The following GRIP1 variants were observed in gnomAD, a reference collection of about 807,000 sequenced individuals.
GRIP1 encodes the protein glutamate receptor-interacting protein 1.
GRIP1 carries 45 observed loss-of-function variants against 129.9 expected under a neutral mutation model. That is an observed-to-expected ratio of 0.35 (90% CI 0.27 to 0.44). GRIP1 has a LOEUF of 0.44. GRIP1 is among the 20% of genes least tolerant of loss of function. The probability of loss-of-function intolerance (pLI) is 1.00; values close to 1 mark genes in which losing one functional copy is unlikely to be tolerated. For synonymous variants in GRIP1, 530 were observed against 520.8 expected (o/e 1.02, Z -0.24); for missense variants, 1,196 against 1,396.8 (o/e 0.86, Z 2.29).
chr12:66,737,712 A>G (rs73327079), intron 1 of GRIP1, among the ~76,000 whole-genome samples: 7,853 of 151,800 alleles, frequency 0.052, 528 homozygotes, highest in African/African-American at 0.15. Flanking sequence ...TGTATCTTGC[A>G]CTCATTTTTT....
intron 1 of GRIP1, among the ~76,000 whole-genome samples, chr12:66,703,606 G>A (rs2035427840): frequency 1.3e-5 from 2 of 152,070 alleles, no homozygotes; most frequent in Admixed American, 1.3e-4. Context: ...ACACTGATGG[G>A]TGTCAGGAGA....
At chr12:66,853,512 A>C (rs2039951001) in intron 1 of GRIP1, among the ~76,000 whole-genome samples, 1 of 152,064 alleles carries the variant, frequency 6.6e-6, no homozygotes, top group Non-Finnish European at 1.5e-5. Context: ...CTCTGCTCTT[A>C]AGTAATAATT....
At position 66,827,387 on chromosome 12, in the gene GRIP1, T is replaced by TGTGTGTGA. The variant is rs755458052; in HGVS notation, c.59-230461_59-230460insTCACACAC. 4.5e-3 allele frequency among the ~76,000 whole-genome samples: 483 copies of TGTGTGTGA among 108,278 alleles called. 2 individuals are homozygous for TGTGTGTGA. The highest frequency in any genetic ancestry group is 0.014 in the African/African-American group (402 of 27,878). The allele number at this position is 108,278 out of a possible 152,430, so 71.0% of individuals were successfully genotyped here. Reference sequence around the variant, plus strand: ...AGGTGTGTGTGTGTGTGTGTGTGTGTGAGAGAGAGAGAGAGAGAGAGAGAG... The same window carrying TGTGTGTGA: ...AGGTGTGTGTGTGTGTGTGTGTGTGTGTGTGTGAGAGAGAGAGAGAGAGAGAGAGAGAG... On this transcript the variant is annotated intron_variant, in intron 1 of 1. Coordinates refer to the GRIP1 transcript ENST00000643019.
intron 1 of GRIP1, among the ~76,000 whole-genome samples, chr12:67,006,271 A>T (rs778921234): frequency 2.6e-5 from 4 of 152,186 alleles, no homozygotes; most frequent in Middle Eastern, 3.2e-3. Context: ...CCAACATTAA[A>T]CAAAAAAGCC....
chr12:67,032,727 G>A (rs1363296688), intron 1 of GRIP1, among the ~76,000 whole-genome samples: 1 of 152,172 alleles, frequency 6.6e-6, no homozygotes, highest in Non-Finnish European at 1.5e-5. Context: ...GGTGCAAGAT[G>A]TTGGGGAGTT....
chr12:66,614,383 A>ATCC (rs1399661019), intron 1 of GRIP1, among the ~76,000 whole-genome samples: 2 of 152,120 alleles, frequency 1.3e-5, no homozygotes, highest in Admixed American at 1.3e-4. Context: ...ACACCATAGC[A>ATCC]TCCTCATCTC....
chr12:66,673,172 T>G (rs547673451), intron 1 of GRIP1, among the ~76,000 whole-genome samples: 2 of 152,318 alleles, frequency 1.3e-5, no homozygotes, highest in South Asian at 4.1e-4. Flanking sequence ...ATCTTAGGAA[T>G]GATTCTTAAC....
At chr12:66,781,480 G>T (rs2038157200) in intron 1 of GRIP1, among the ~76,000 whole-genome samples, 1 of 152,056 alleles carries the variant, frequency 6.6e-6, no homozygotes, top group African/African-American at 2.4e-5. Flanking sequence ...GCTTTATTGA[G>T]ATACAGTTCA....
At chr12:66,617,622 A>G (rs898461131) in intron 1 of GRIP1, among the ~76,000 whole-genome samples, 1 of 152,068 alleles carries the variant, frequency 6.6e-6, no homozygotes. Flanking sequence ...ACTGGCTTTG[A>G]TTAGAGCTCA....
At chr12:66,981,940 T>A (rs1297424895) in intron 1 of GRIP1, among the ~76,000 whole-genome samples, 1 of 152,212 alleles carries the variant, frequency 6.6e-6, no homozygotes, top group Non-Finnish European at 1.5e-5. Flanking sequence ...TGGGCTACAT[T>A]GTGTTACACT....
At chr12:66,405,100 G>A (rs1363034669) in intron 16 of GRIP1, among the ~76,000 whole-genome samples, 2 of 152,128 alleles carry the variant, frequency 1.3e-5, no homozygotes, top group African/African-American at 2.4e-5. Flanking sequence ...CAACATTGGG[G>A]AAAACCAAAA....
chr12:67,041,846 T>C (rs977712936), intron 1 of GRIP1, among the ~76,000 whole-genome samples: 3 of 152,204 alleles, frequency 2.0e-5, no homozygotes, highest in Non-Finnish European at 4.4e-5. Flanking sequence ...TGTAAGTTCC[T>C]TGATGGCATA....
In GRIP1 at chr12:66,465,286, A is replaced by G. The variant is rs2059255635; in HGVS notation, c.861T>C (p.Ser287=). ...TCTACAATACTTACCTGTCTGCAAT[A>G]CTTGCAGATTTGATTTTGTCTATGA... ...VIVIDKIKSA[S]IADRCGALHV... Residue 287 remains serine (S), a synonymous_variant, in exon 8 of 25, where the codon AGT becomes AGC. Transcript: ENST00000359742. The G allele has an allele frequency of 6.2e-7, 1 of 1,613,346 alleles. No homozygotes were observed. The highest frequency in any genetic ancestry group is 1.1e-5 in the South Asian group (1 of 91,062).
intron 1 of GRIP1, among the ~76,000 whole-genome samples, chr12:66,739,874 A>G (rs745536355): frequency 1.0e-3 from 152 of 152,174 alleles, no homozygotes; most frequent in African/African-American, 7.0e-4. Flanking sequence ...CAAACTTCCT[A>G]TAAGTCTGTT....
intron 1 of GRIP1, among the ~76,000 whole-genome samples, chr12:66,755,334 CAA>C (rs2037254358): frequency 6.6e-6 from 1 of 152,106 alleles, no homozygotes; most frequent in Non-Finnish European, 1.5e-5. Context: ...CTTCCAAAGG[CAA>C]AGAGGGCAAA....
At chr12:67,063,845 C>T (rs2043576899) in intron 1 of GRIP1, among the ~76,000 whole-genome samples, 1 of 152,120 alleles carries the variant, frequency 6.6e-6, no homozygotes, top group Admixed American at 6.5e-5. Flanking sequence ...TGTTTGACCA[C>T]TGGGCTGTCT....
At chr12:66,969,651 A>C (rs2042044984) in intron 1 of GRIP1, among the ~76,000 whole-genome samples, 1 of 152,068 alleles carries the variant, frequency 6.6e-6, no homozygotes, top group African/African-American at 2.4e-5. Flanking sequence ...TCTTGGGCTC[A>C]AGCAATCCTC....
chr12:66,632,516 A>C (rs1005552152), intron 1 of GRIP1, among the ~76,000 whole-genome samples: 1 of 152,144 alleles, frequency 6.6e-6, no homozygotes, highest in Admixed American at 6.5e-5. Flanking sequence ...TTCCTTCCCC[A>C]AAAAGGAAGG....
At chr12:66,945,355 C>T (rs947650635) in intron 1 of GRIP1, among the ~76,000 whole-genome samples, 11 of 152,166 alleles carry the variant, frequency 7.2e-5, no homozygotes, top group African/African-American at 2.7e-4. Context: ...AGAGCCTGCA[C>T]TAACCTGTTC....
Sources: gnomAD v4.1 joint callset for allele counts (sites outside exome capture counted in the v4.1 genomes callset) on GRCh38, gnomAD v4.1.1 for gene constraint, MANE v1.5 for transcripts, NCBI Gene and HGNC (gene_info 2026-07-23, HGNC 2026-07-21) for gene names.